The following CNTNAP2 variants were observed in gnomAD, a reference collection of about 807,000 sequenced individuals.
The protein encoded by CNTNAP2 is contactin associated protein 2.
Under a neutral mutation model 155.2 loss-of-function variants are expected in CNTNAP2, and 98 were observed. The ratio of observed to expected loss-of-function variants is 0.63; its 90% CI spans 0.54 to 0.75. CNTNAP2 has a LOEUF of 0.75. CNTNAP2 is among the 30% of genes least tolerant of loss of function. The pLI is 0.00. For missense variants in CNTNAP2, 1,727 were observed against 1,688.1 expected (o/e 1.02, Z -0.40); for synonymous variants, 651 against 631.2 (o/e 1.03, Z -0.47).
chr7:147,314,890 T>C (rs1477759041), intron 9 of CNTNAP2, among the ~76,000 whole-genome samples: 1 of 151,034 alleles, frequency 6.6e-6, no homozygotes, highest in Non-Finnish European at 1.5e-5. Context: ...AATTGGGCTT[T>C]AGGGTGGAAA....
chr7:146,853,858 T>C (rs946403942), intron 3 of CNTNAP2, among the ~76,000 whole-genome samples: 1 of 152,186 alleles, frequency 6.6e-6, no homozygotes, highest in Non-Finnish European at 1.5e-5. Flanking sequence ...TTAGTGAACA[T>C]TGGAATATGC....
chr7:146,981,415 C>A (rs1798014704), intron 3 of CNTNAP2, among the ~76,000 whole-genome samples: 1 of 152,104 alleles, frequency 6.6e-6, no homozygotes, highest in African/African-American at 2.4e-5. Flanking sequence ...TACATTTTGC[C>A]ATTTTCAGAA....
intron 13 of CNTNAP2, among the ~76,000 whole-genome samples, chr7:147,656,779 A>G (rs1795531260): frequency 8.4e-6 from 1 of 118,364 alleles, no homozygotes; most frequent in Non-Finnish European, 2.0e-5. Flanking sequence ...AAACAACAAC[A>G]AAAAAACCCG....
intron 8 of CNTNAP2, among the ~76,000 whole-genome samples, chr7:147,148,389 CAA>C (rs5888239): frequency 1.2e-4 from 10 of 81,708 alleles, no homozygotes; most frequent in African/African-American, 2.4e-4. Context: ...GACTCCGTCT[CAA>C]AAAAAAAAAA....
intron 11 of CNTNAP2, among the ~76,000 whole-genome samples, chr7:147,514,122 G>GA (rs1799071528): frequency 6.6e-6 from 1 of 151,824 alleles, no homozygotes; most frequent in Non-Finnish European, 1.5e-5. Flanking sequence ...GAAAAAATTA[G>GA]AAAAAAATAC....
chr7:146,496,797 C>T (rs1315935449), intron 1 of CNTNAP2, among the ~76,000 whole-genome samples: 5 of 152,132 alleles, frequency 3.3e-5, no homozygotes, highest in African/African-American at 4.8e-5. Flanking sequence ...AGCATATTAG[C>T]CATTCAGGTA....
chr7:147,111,678 AG>A (rs1489582801), intron 5 of CNTNAP2, among the ~76,000 whole-genome samples: 1 of 152,124 alleles, frequency 6.6e-6, no homozygotes, highest in Non-Finnish European at 1.5e-5. Context: ...AGGTGGTTAT[AG>A]GTGTATGGTC....
rs56287346 is a variant in CNTNAP2 at position 146,322,634 on chromosome 7, C to CT, written c.97+205679dup. ...AAGAGGAGACTGTTGTGTTCATTCT[C>CT]TTTTTTTTTTTTTTTTTTGCTGGCT... is the stretch of plus-strand genomic sequence containing the variant. On this transcript the variant is annotated intron_variant, in intron 1 of 23. Coordinates refer to ENST00000361727, the MANE Select transcript of CNTNAP2 (RefSeq NM_014141.6). 2.9e-3 allele frequency among the ~76,000 whole-genome samples: 190 copies of CT among 64,968 alleles called. 16 individuals are homozygous for CT. The highest frequency in any genetic ancestry group is 3.3e-3 in the Non-Finnish European group (120 of 36,422). The allele number at this position is 64,968 out of a possible 152,430, so 42.6% of individuals were successfully genotyped here. A position where few individuals can be genotyped will look rare whatever the true frequency, so the allele number is the denominator to read the frequency against.
intron 8 of CNTNAP2, among the ~76,000 whole-genome samples, chr7:147,220,053 T>A (rs1263369038): frequency 6.6e-6 from 1 of 151,146 alleles, no homozygotes; most frequent in African/African-American, 2.4e-5. Flanking sequence ...CCTCCCAAAG[T>A]GCTGGGATTA....
rs1468681258 is a variant in CNTNAP2, at chr7:148,377,984, A to G, written c.3476-5665A>G. ...TGTTTAAGGTAGGCTGGGCTATGCT[A>G]TGATGTTCAGTAGGTTACGTGTATT... is the stretch of plus-strand genomic sequence containing the variant. On this transcript the variant is annotated intron_variant, in intron 21 of 23. Transcript: ENST00000361727. 2.8e-4 allele frequency among the ~76,000 whole-genome samples: 19 copies of G among 68,366 alleles called. 3 individuals carry two copies. Among genetic ancestry groups the G allele is most frequent in the African/African-American group, 6.8e-4 (19 of 27,950 alleles). 44.9% of individuals were successfully genotyped at this position (68,366 alleles called of 152,430 possible). A position where few individuals can be genotyped will look rare whatever the true frequency, so the allele number is the denominator to read the frequency against.
At chr7:146,694,162 A>T (rs1800744586) in intron 1 of CNTNAP2, among the ~76,000 whole-genome samples, 1 of 152,196 alleles carries the variant, frequency 6.6e-6, no homozygotes, top group South Asian at 2.1e-4. Flanking sequence ...AGAAGCAAGG[A>T]ATATAATTAA....
chr7:148,275,947 G>A (rs554291202), intron 21 of CNTNAP2, among the ~76,000 whole-genome samples: 8 of 152,168 alleles, frequency 5.3e-5, no homozygotes, highest in African/African-American at 9.7e-5. Context: ...TGGAAACACA[G>A]TGTGCTATGA....
chr7:147,867,223 G>C (rs1259104927), intron 13 of CNTNAP2, among the ~76,000 whole-genome samples: 2 of 152,234 alleles, frequency 1.3e-5, no homozygotes, highest in East Asian at 3.9e-4. Context: ...ATTTTGGCTG[G>C]ATATGAAATT....
At chr7:147,772,841 G>A (rs978475968) in intron 13 of CNTNAP2, among the ~76,000 whole-genome samples, 2 of 151,924 alleles carry the variant, frequency 1.3e-5, no homozygotes, top group Admixed American at 6.6e-5. Context: ...AAACTCCAAC[G>A]GTTCTCACAC....
chr7:146,996,021 T>A (rs1350266853), intron 3 of CNTNAP2, among the ~76,000 whole-genome samples: 1 of 152,140 alleles, frequency 6.6e-6, no homozygotes, highest in Non-Finnish European at 1.5e-5. Flanking sequence ...TGTTTTTTTT[T>A]AGCAGCTTTA....
intron 12 of CNTNAP2, among the ~76,000 whole-genome samples, chr7:147,586,763 G>A (rs1800634950): frequency 6.6e-6 from 1 of 152,124 alleles, no homozygotes; most frequent in Admixed American, 6.5e-5. Context: ...ATCAGTTCCT[G>A]TTCCACTTGG....
chr7:148,313,447 A>G (rs1192106393), intron 21 of CNTNAP2, among the ~76,000 whole-genome samples: 1 of 150,068 alleles, frequency 6.7e-6, no homozygotes, highest in African/African-American at 2.4e-5. Flanking sequence ...CAGATGGGAC[A>G]TGGCTTAGGA....
At chr7:147,114,652 C>A (rs1296439389) in intron 5 of CNTNAP2, among the ~76,000 whole-genome samples, 1 of 151,980 alleles carries the variant, frequency 6.6e-6, no homozygotes, top group East Asian at 1.9e-4. Flanking sequence ...TTTCTGTTTT[C>A]CATTTGCTTG....
intron 20 of CNTNAP2, among the ~76,000 whole-genome samples, chr7:148,261,056 G>A (rs1287697997): frequency 6.6e-6 from 1 of 152,240 alleles, no homozygotes; most frequent in East Asian, 1.9e-4. Context: ...CTGGAGAGAA[G>A]AATGTTCTTT....
Sources: gnomAD v4.1 joint callset for allele counts (sites outside exome capture counted in the v4.1 genomes callset) on GRCh38, gnomAD v4.1.1 for gene constraint, MANE v1.5 for transcripts, NCBI Gene and HGNC (gene_info 2026-07-23, HGNC 2026-07-21) for gene names.